DLGAP2: variants seen among roughly 807,000 people sequenced by gnomAD.
DLGAP2 encodes the protein disks large-associated protein 2.
A neutral mutation model predicts 100.3 loss-of-function variants in DLGAP2; 26 were observed. The observed-to-expected ratio is 0.26, with a 90% confidence interval of 0.19 to 0.36. DLGAP2 has a LOEUF of 0.36. Among genes scored for constraint, DLGAP2 ranks in the 10% least tolerant of loss-of-function variants. The probability of loss-of-function intolerance (pLI) is 1.00; values close to 1 mark genes in which losing one functional copy is unlikely to be tolerated. For synonymous variants in DLGAP2, 886 were observed against 630.1 expected (o/e 1.41, Z -6.08); for missense variants, 1,858 against 1,453.2 (o/e 1.28, Z -4.53).
chr8:945,414 A>C (rs1282492292), intron 2 of DLGAP2, among the ~76,000 whole-genome samples: 1 of 152,204 alleles, frequency 6.6e-6, no homozygotes, highest in African/African-American at 2.4e-5. Context: ...GACCTTGAAT[A>C]CAGGTGTAGC....
intron 5 of DLGAP2, among the ~76,000 whole-genome samples, chr8:1,564,385 C>A (rs986615158): frequency 2.6e-5 from 4 of 152,302 alleles, no homozygotes; most frequent in African/African-American, 7.2e-5. Context: ...TCATGGTTTA[C>A]CCTCCCCTCA....
At chr8:1,565,353 T>C (rs910703087) in intron 5 of DLGAP2, among the ~76,000 whole-genome samples, 6 of 152,058 alleles carry the variant, frequency 3.9e-5, no homozygotes, top group Non-Finnish European at 8.8e-5. Context: ...ACTTTCAATT[T>C]CCTCTTATAC....
At chr8:1,599,316 G>C (rs1205971513) in intron 6 of DLGAP2, among the ~76,000 whole-genome samples, 1 of 152,206 alleles carries the variant, frequency 6.6e-6, no homozygotes, top group Non-Finnish European at 1.5e-5. Context: ...GTGTGATATG[G>C]TGCTGAGAAG....
chr8:748,286 C>A (rs1820701665), intron 1 of DLGAP2, among the ~76,000 whole-genome samples: 1 of 145,228 alleles, frequency 6.9e-6, no homozygotes, highest in Non-Finnish European at 1.5e-5. Flanking sequence ...GATGGGTGGA[C>A]TCTGGTGGTG....
At chr8:1,105,895 A>G (rs115904258) in intron 2 of DLGAP2, among the ~76,000 whole-genome samples, 10,391 of 138,538 alleles carry the variant, frequency 0.075, 1,086 homozygotes, top group African/African-American at 0.25. Context: ...AAGGGGGGCC[A>G]TTCTAGGAGG....
intron 3 of DLGAP2, among the ~76,000 whole-genome samples, chr8:1,274,198 T>G (rs1318201514): frequency 1.3e-5 from 2 of 151,918 alleles, no homozygotes; most frequent in African/African-American, 4.8e-5. Context: ...TATTTATATT[T>G]CAAATAAATC....
chr8:1,362,101 G>A (rs1458015844), intron 3 of DLGAP2, among the ~76,000 whole-genome samples: 1 of 7,454 alleles, frequency 1.3e-4, no homozygotes, highest in Non-Finnish European at 2.4e-4. Flanking sequence ...TGGGACTCGG[G>A]GAGTTAGCGT....
rs1038260115 is a variant in DLGAP2, at chr8:1,019,649, G to A, written c.73+111683G>A. On this transcript the variant is annotated intron_variant, in intron 2 of 14. Coordinates refer to ENST00000637795, the MANE Select transcript of DLGAP2 (RefSeq NM_001346810.2). Reference sequence around the variant, plus strand: ...GACTGTGGCTTATTCATTGGAGCTTGAATATTTTTCAGGGTTTGCTTTGGT... The same window carrying A: ...GACTGTGGCTTATTCATTGGAGCTTAAATATTTTTCAGGGTTTGCTTTGGT... 15 of 152,060 alleles carry A rather than the reference G, an allele frequency of 9.9e-5. 1 individual carries two copies. Among genetic ancestry groups the A allele is most frequent in the African/African-American group, 3.4e-4 (14 of 41,406 alleles). The allele number at this position is 152,060 out of a possible 1,614,324, so 9.4% of individuals were successfully genotyped here.
intron 4 of DLGAP2, among the ~76,000 whole-genome samples, chr8:1,517,312 G>A (rs1800427105): frequency 6.6e-6 from 1 of 152,166 alleles, no homozygotes; most frequent in Admixed American, 6.5e-5. Flanking sequence ...GGAGTGGCCA[G>A]ACCTAGGCAG....
chr8:980,971 A>G (rs1800315105), intron 2 of DLGAP2, among the ~76,000 whole-genome samples: 8 of 152,158 alleles, frequency 5.3e-5, no homozygotes, highest in Admixed American at 4.6e-4. Flanking sequence ...TCACAGTTCA[A>G]TGGTATTAAT....
At chr8:965,091 C>A (rs1248718986) in intron 2 of DLGAP2, among the ~76,000 whole-genome samples, 1 of 148,852 alleles carries the variant, frequency 6.7e-6, no homozygotes, top group African/African-American at 2.5e-5. Context: ...CGGCAGTGTT[C>A]ATCACACACG....
chr8:946,044 G>C (rs952689992), intron 2 of DLGAP2, among the ~76,000 whole-genome samples: 2 of 151,848 alleles, frequency 1.3e-5, no homozygotes, highest in African/African-American at 4.8e-5. Context: ...CTGAATAGGC[G>C]TAAACTTGCC....
chr8:1,170,015 G>C (rs1797095332), intron 2 of DLGAP2, among the ~76,000 whole-genome samples: 2 of 151,728 alleles, frequency 1.3e-5, no homozygotes, highest in Middle Eastern at 3.4e-3. Flanking sequence ...TATTGGCTGT[G>C]GGTTTGTCAT....
At chr8:1,316,617 G>A (rs1800757379) in intron 3 of DLGAP2, among the ~76,000 whole-genome samples, 1 of 144,086 alleles carries the variant, frequency 6.9e-6, no homozygotes. Flanking sequence ...TAAAAATAGA[G>A]CGTGTGCGAG....
intron 1 of DLGAP2, among the ~76,000 whole-genome samples, chr8:825,427 G>A (rs1339098846): frequency 1.3e-5 from 2 of 152,122 alleles, no homozygotes; most frequent in South Asian, 2.1e-4. Context: ...GCCTCTGCCC[G>A]GAGGCAGCCG....
chr8:1,034,006 C>T (rs1163648628), intron 2 of DLGAP2, among the ~76,000 whole-genome samples: 3 of 133,774 alleles, frequency 2.2e-5, no homozygotes, highest in Admixed American at 7.6e-5. Context: ...ATCCCGACCC[C>T]GCGTGTCACC....
At chr8:767,346 CTG>C (rs1386226867) in intron 1 of DLGAP2, among the ~76,000 whole-genome samples, 1 of 127,116 alleles carries the variant, frequency 7.9e-6, no homozygotes, top group African/African-American at 2.8e-5. Flanking sequence ...TGGCTGTTGA[CTG>C]TTTTTTTTTT....
chr8:1,568,386 CA>C (rs1802502197), intron 6 of DLGAP2, among the ~76,000 whole-genome samples: 3 of 135,330 alleles, frequency 2.2e-5, no homozygotes, highest in East Asian at 2.3e-4. Context: ...CACACAAATC[CA>C]CTCTGCCCGT....
intron 3 of DLGAP2, among the ~76,000 whole-genome samples, chr8:1,446,564 T>C (rs1191101998): frequency 1.3e-5 from 2 of 152,256 alleles, no homozygotes; most frequent in African/African-American, 2.4e-5. Context: ...AGGATTGACT[T>C]GGCGATGCGG....
Sources: allele counts gnomAD v4.1 joint callset (sites outside exome capture counted in the v4.1 genomes callset), GRCh38; gene constraint gnomAD v4.1.1; transcripts MANE v1.5; gene names NCBI Gene and HGNC (gene_info 2026-07-23, HGNC 2026-07-21).